Variants in MPP7 observed in about 807,000 individuals in gnomAD.
MPP7 encodes the protein MAGUK p55 subfamily member 7.
MPP7 carries 60 observed loss-of-function variants against 76.5 expected under a neutral mutation model. That is an observed-to-expected ratio of 0.78 (90% CI 0.64 to 0.97). MPP7 has a LOEUF of 0.97. Ranked by LOEUF, MPP7 falls within the 50% of genes least tolerant of loss-of-function variation. MPP7 has a pLI of 0.00. For missense variants in MPP7, 641 were observed against 694.0 expected (o/e 0.92, Z 0.86); for synonymous variants, 237 against 244.5 (o/e 0.97, Z 0.29).
intron 11 of MPP7, among the ~76,000 whole-genome samples, chr10:28,116,746 A>G (rs924815087): frequency 7.9e-5 from 12 of 152,264 alleles, no homozygotes; most frequent in African/African-American, 2.9e-4. Context: ...TTTAGTTTTC[A>G]GGAATTTTTT....
intron 11 of MPP7, among the ~76,000 whole-genome samples, chr10:28,100,177 TATG>T (rs1176318970): frequency 4.0e-5 from 6 of 150,950 alleles, no homozygotes; most frequent in African/African-American, 1.5e-4. Flanking sequence ...GAAATTATTA[TATG>T]ATATTAGGTT....
chr10:28,270,696 T>C (rs1840301217), intron 1 of MPP7, among the ~76,000 whole-genome samples: 1 of 152,136 alleles, frequency 6.6e-6, no homozygotes, highest in African/African-American at 2.4e-5. Flanking sequence ...GGAAGCAAAA[T>C]ATTTATCATT....
intron 11 of MPP7, among the ~76,000 whole-genome samples, chr10:28,098,196 T>C (rs894694972): frequency 6.6e-6 from 1 of 152,024 alleles, no homozygotes; most frequent in Non-Finnish European, 1.5e-5. Flanking sequence ...AACCAAGATA[T>C]GCAGAAGTAT....
intron 3 of MPP7, among the ~76,000 whole-genome samples, chr10:28,184,709 A>C (rs779155111): frequency 8.8e-5 from 13 of 148,528 alleles, no homozygotes; most frequent in Admixed American, 4.7e-4. Context: ...CTCTGTCTCC[A>C]AAATGAAAAG....
chr10:28,213,944 G>C (rs1296627757), intron 2 of MPP7, among the ~76,000 whole-genome samples: 1 of 152,062 alleles, frequency 6.6e-6, no homozygotes, highest in East Asian at 1.9e-4. Flanking sequence ...TCTTTGATCT[G>C]AAATTCACCT....
chr10:28,056,331 A>T, intron 16 of MPP7, 149 bp downstream of exon 16: 4 of 769,536 alleles, frequency 5.2e-6, no homozygotes, highest in Non-Finnish European at 8.3e-6. Flanking sequence ...GCTAATTTCC[A>T]TATTTTTTGT....
At chr10:28,117,092 C>G (rs1287096038) in intron 11 of MPP7, among the ~76,000 whole-genome samples, 1 of 152,028 alleles carries the variant, frequency 6.6e-6, no homozygotes, top group East Asian at 1.9e-4. Context: ...CTTCCATGAA[C>G]TTTTCCCCCA....
At chr10:28,228,180 C>T (rs892720393) in intron 2 of MPP7, among the ~76,000 whole-genome samples, 7 of 151,870 alleles carry the variant, frequency 4.6e-5, no homozygotes, top group Admixed American at 4.6e-4. Context: ...ATATGAATTA[C>T]CAAGAAGAAA....
intron 12 of MPP7, among the ~76,000 whole-genome samples, chr10:28,075,166 G>A (rs528331644): frequency 6.6e-6 from 1 of 152,136 alleles, no homozygotes; most frequent in African/African-American, 2.4e-5. Context: ...TCACTATCAC[G>A]ACACAGTACC....
intron 13 of MPP7, among the ~76,000 whole-genome samples, chr10:28,069,518 T>G (rs1370570575): frequency 6.6e-6 from 1 of 151,492 alleles, no homozygotes; most frequent in Non-Finnish European, 1.5e-5. Flanking sequence ...GCAGAAGAAT[T>G]GCTTGAACCC....
rs57677912 is a variant in MPP7 at position 28,082,146 on chromosome 10, T to C, written c.1123+7525A>G. Among the ~76,000 whole-genome samples the C allele has an allele frequency of 7.0e-3, 1,068 of 152,304 alleles. 14 individuals are homozygous for C. The highest frequency in any genetic ancestry group is 0.024 in the African/African-American group (1,017 of 41,562). ...TAGGAGCCAAGGAAATAAATTCCTATGTATACAACGTTTCTATAATCATAA... is the reference window on the plus strand; with the variant it reads ...TAGGAGCCAAGGAAATAAATTCCTACGTATACAACGTTTCTATAATCATAA... On this transcript the variant is annotated intron_variant, in intron 12 of 16. Transcript: ENST00000683449.
intron 1 of MPP7, among the ~76,000 whole-genome samples, chr10:28,297,483 G>A (rs1171541213): frequency 6.6e-6 from 1 of 152,174 alleles, no homozygotes; most frequent in Non-Finnish European, 1.5e-5. Context: ...TGGACTGCGT[G>A]AGCTCAGGAG....
intron 12 of MPP7, among the ~76,000 whole-genome samples, chr10:28,070,172 C>T (rs1360102922): frequency 6.6e-6 from 1 of 152,048 alleles, no homozygotes; most frequent in African/African-American, 2.4e-5. Context: ...CCGAGGTGGG[C>T]AGATCACGAG....
At chr10:28,253,652 G>A (rs550117516) in intron 1 of MPP7, among the ~76,000 whole-genome samples, 64 of 152,186 alleles carry the variant, frequency 4.2e-4, no homozygotes, top group African/African-American at 1.4e-3. Context: ...GGACAACCAA[G>A]TAATTGTTCC....
At chr10:28,313,459 T>C (rs1014734861) in intron 2 of MPP7, among the ~76,000 whole-genome samples, 1 of 151,900 alleles carries the variant, frequency 6.6e-6, no homozygotes, top group Non-Finnish European at 1.5e-5. Flanking sequence ...TGAGCCTAGA[T>C]TACACCACTG....
intron 12 of MPP7, among the ~76,000 whole-genome samples, chr10:28,075,102 G>C (rs758313486): frequency 3.3e-5 from 5 of 152,038 alleles, no homozygotes; most frequent in Non-Finnish European, 2.9e-5. Flanking sequence ...GGAGCAGGAA[G>C]AAGGGGAAGA....
At chr10:28,153,860 G>A (rs1436070050) in intron 3 of MPP7, among the ~76,000 whole-genome samples, 2 of 152,036 alleles carry the variant, frequency 1.3e-5, no homozygotes, top group African/African-American at 4.8e-5. Flanking sequence ...CTTCTATTAT[G>A]AGTACAAAAA....
intron 11 of MPP7, among the ~76,000 whole-genome samples, chr10:28,091,638 T>G (rs1024427799): frequency 6.6e-6 from 1 of 152,126 alleles, no homozygotes; most frequent in African/African-American, 2.4e-5. Flanking sequence ...ATGAAAAAAA[T>G]GTAATAACTA....
intron 1 of MPP7, among the ~76,000 whole-genome samples, chr10:28,247,526 A>G (rs918924227): frequency 1.3e-5 from 2 of 152,228 alleles, no homozygotes; most frequent in African/African-American, 2.4e-5. Context: ...TTCATTATAT[A>G]TAACACAAAC....
Sources: gnomAD v4.1 joint callset for allele counts (sites outside exome capture counted in the v4.1 genomes callset) on GRCh38, gnomAD v4.1.1 for gene constraint, MANE v1.5 for transcripts, NCBI Gene and HGNC (gene_info 2026-07-23, HGNC 2026-07-21) for gene names.